UBR1: variants seen among roughly 807,000 people sequenced by gnomAD.
The protein encoded by UBR1 is E3 ubiquitin-protein ligase UBR1.
Under a neutral mutation model 242.1 loss-of-function variants are expected in UBR1, and 102 were observed. That is an observed-to-expected ratio of 0.42 (90% CI 0.36 to 0.50). The LOEUF (loss-of-function observed/expected upper bound fraction) is 0.50, where lower values mean the gene tolerates loss of function less well. Among genes scored for constraint, UBR1 ranks in the 20% least tolerant of loss-of-function variants. UBR1 has a pLI of 0.01. For missense variants in UBR1, 1,772 were observed against 2,101.8 expected, an observed-to-expected ratio of 0.84 and a Z score of 3.07; for synonymous variants, 675 against 684.8, an observed-to-expected ratio of 0.99 and a Z score of 0.22.
chr15:43,015,598 T>C lies in UBR1; in HGVS notation c.3209+90A>G, dbSNP rs567025996. ...TCCCTCCACTATTGTCCTATGACCC[T>C]GCCAAATCCCCCTCTCGGAGAAACA... On this transcript the variant is annotated intron_variant, in intron 29 of 46. Coordinates refer to ENST00000290650, the MANE Select transcript of UBR1 (RefSeq NM_174916.3). 2,356 of 1,415,054 alleles carry C rather than the reference T, an allele frequency of 1.7e-3. 5 individuals are homozygous for C. Among genetic ancestry groups the C allele is most frequent in the South Asian group, 2.7e-3 (237 of 86,370 alleles). 87.7% of individuals were successfully genotyped at this position (1,415,054 alleles called of 1,614,324 possible).
At chr15:42,997,484 T>C (rs1005984536) in intron 33 of UBR1, among the ~76,000 whole-genome samples, 2 of 152,154 alleles carry the variant, frequency 1.3e-5, no homozygotes, top group African/African-American at 4.8e-5. Flanking sequence ...GCCAAAAAGG[T>C]TGGGGACCAT....
intron 38 of UBR1, 110 bp from the exon 39 acceptor site, chr15:42,976,977 GT>G (rs2032301135): frequency 2.5e-6 from 3 of 1,214,672 alleles, no homozygotes; most frequent in Non-Finnish European, 3.5e-6. Flanking sequence ...TTGTGTGTGT[GT>G]TTTTTAATAA....
At chr15:43,067,462 C>T (rs1338000353) in intron 6 of UBR1, among the ~76,000 whole-genome samples, 1 of 152,150 alleles carries the variant, frequency 6.6e-6, no homozygotes, top group East Asian at 1.9e-4. Context: ...ACTTATATTA[C>T]TTGAAGAACC....
intron 37 of UBR1, among the ~76,000 whole-genome samples, chr15:42,978,220 TAAAG>T (rs1814776495): frequency 6.6e-6 from 1 of 152,220 alleles, no homozygotes; most frequent in South Asian, 2.1e-4. Flanking sequence ...TAGAGATTGT[TAAAG>T]AAACATTTGT....
At chr15:43,036,653 C>T (rs2033340020) in intron 17 of UBR1, 60 bp from the exon 18 acceptor site, 3 of 1,190,656 alleles carry the variant, frequency 2.5e-6, no homozygotes, top group Non-Finnish European at 3.7e-6. Context: ...GCAAAATTCT[C>T]AAGAAAACCT....
chr15:42,984,791 A>G, intron 36 of UBR1, 96 bp downstream of exon 36: 1 of 1,153,286 alleles, frequency 8.7e-7, no homozygotes, highest in Non-Finnish European at 1.3e-6. Flanking sequence ...TAATTTTTAC[A>G]GAAAATGAGT....
At chr15:43,076,511 C>T (rs1242439377) in intron 3 of UBR1, among the ~76,000 whole-genome samples, 3 of 150,736 alleles carry the variant, frequency 2.0e-5, no homozygotes, top group African/African-American at 7.3e-5. Context: ...GCGTCTCTGC[C>T]CGGCCGCCCA....
chr15:43,103,375 G>C lies in UBR1; in HGVS notation c.81+2567C>G, dbSNP rs567780145. On this transcript the variant is annotated intron_variant, in intron 1 of 46. Coordinates refer to ENST00000290650, the MANE Select transcript of UBR1 (RefSeq NM_174916.3). ...CGAAACCCTGTCTCAAAACAAAAAGGATGTTATCCATTCCCACAACCTCAA... is the reference window on the plus strand; with the variant it reads ...CGAAACCCTGTCTCAAAACAAAAAGCATGTTATCCATTCCCACAACCTCAA... Among the ~76,000 whole-genome samples, 4 of 152,128 alleles carry C rather than the reference G, an allele frequency of 2.6e-5. No individual in the cohort carries two copies. In the East Asian group the frequency reaches 7.7e-4, roughly 29 times the overall value.
At chr15:43,066,547 T>C (rs2033754373) in intron 6 of UBR1, among the ~76,000 whole-genome samples, 1 of 152,218 alleles carries the variant, frequency 6.6e-6, no homozygotes, top group Non-Finnish European at 1.5e-5. Flanking sequence ...AAAAATTACT[T>C]TGGGCAGTAT....
intron 10 of UBR1, among the ~76,000 whole-genome samples, chr15:43,056,861 AC>A (rs2033625668): frequency 6.6e-6 from 1 of 152,330 alleles, no homozygotes; most frequent in South Asian, 2.1e-4. Context: ...AGAAAAACCA[AC>A]CAATCAGATT....
intron 26 of UBR1, among the ~76,000 whole-genome samples, chr15:43,021,691 TC>T (rs1288488945): frequency 6.6e-6 from 1 of 152,180 alleles, no homozygotes; most frequent in Non-Finnish European, 1.5e-5. Context: ...TTTTCCTTTT[TC>T]CCCCTGAATA....
At chr15:43,048,366 A>C in intron 13 of UBR1, 26 bp downstream of exon 13, 1 of 1,551,984 alleles carries the variant, frequency 6.4e-7, no homozygotes. Context: ...AATTTCTTTT[A>C]CTGATGTACA....
chr15:43,050,435 T>A (rs1195230099), intron 12 of UBR1, among the ~76,000 whole-genome samples: 1 of 151,748 alleles, frequency 6.6e-6, no homozygotes, highest in African/African-American at 2.4e-5. Flanking sequence ...TGAGGCCGGG[T>A]GCAGTGGCTC....
chr15:42,983,065 C>CAA (rs1327897294), intron 37 of UBR1, among the ~76,000 whole-genome samples: 16 of 152,266 alleles, frequency 1.1e-4, no homozygotes, highest in African/African-American at 3.9e-4. Context: ...CATATGAACT[C>CAA]TTAGTAAATT....
intron 4 of UBR1, among the ~76,000 whole-genome samples, chr15:43,072,602 C>G (rs1312229977): frequency 6.6e-6 from 1 of 152,152 alleles, no homozygotes; most frequent in East Asian, 1.9e-4. Flanking sequence ...TGTCTTGTTT[C>G]TGACTTCAGG....
At position 43,036,160 on chromosome 15, in the gene UBR1, A is replaced by T; in HGVS notation, c.2190+18T>A. On this transcript the variant is annotated intron_variant, in intron 19 of 46. Transcript: ENST00000290650. ...TATTTCCTTTAAAATTAATTCACAT[A>T]ATTTACAGGTTGTATACCTGGTCTT... The T allele has an allele frequency of 6.4e-7, 1 of 1,552,020 alleles. No individual in the cohort carries two copies. Among genetic ancestry groups the T allele is most frequent in the East Asian group, 2.3e-5 (1 of 44,412 alleles).
chr15:43,094,352 C>T (rs1352860922), intron 1 of UBR1, among the ~76,000 whole-genome samples: 1 of 151,934 alleles, frequency 6.6e-6, no homozygotes, highest in African/African-American at 2.4e-5. Flanking sequence ...TCGCTTGAAC[C>T]TGGGAGGCAG....
chr15:43,022,669 A>G, intron 26 of UBR1, 33 bp downstream of exon 26: 1 of 1,454,584 alleles, frequency 6.9e-7, no homozygotes, highest in Non-Finnish European at 9.6e-7. Context: ...ACTTTCAATG[A>G]CAAATGTGTT....
intron 20 of UBR1, among the ~76,000 whole-genome samples, chr15:43,030,931 A>C (rs1045885115): frequency 6.6e-6 from 1 of 152,190 alleles, no homozygotes; most frequent in Non-Finnish European, 1.5e-5. Context: ...TACATTTGTA[A>C]AGCATTTTGT....
Sources: allele counts gnomAD v4.1 joint callset (sites outside exome capture counted in the v4.1 genomes callset), GRCh38; gene constraint gnomAD v4.1.1; transcripts MANE v1.5; gene names NCBI Gene and HGNC (gene_info 2026-07-23, HGNC 2026-07-21).